The following NBAS variants were observed in gnomAD, a reference collection of about 807,000 sequenced individuals.
NBAS encodes the protein NAG/BC035112 fusion.
A neutral mutation model predicts 302.5 loss-of-function variants in NBAS; 219 were observed. The observed-to-expected ratio is 0.72, with a 90% confidence interval of 0.65 to 0.81. The LOEUF (loss-of-function observed/expected upper bound fraction) is 0.81. Among genes scored for constraint, NBAS ranks in the 30% least tolerant of loss-of-function variants. NBAS has a pLI of 0.00. For synonymous variants in NBAS, 1,118 were observed against 1,021.6 expected (o/e 1.09, Z -1.80); for missense variants, 2,932 against 2,841.6 (o/e 1.03, Z -0.72).
chr2:15,264,400 T>A (rs1025511676), intron 44 of NBAS, among the ~76,000 whole-genome samples: 5 of 152,050 alleles, frequency 3.3e-5, no homozygotes, highest in Non-Finnish European at 7.4e-5. Flanking sequence ...CCCACCAGAG[T>A]CCTCTCCAGG....
chr2:14,858,909 C>T, the NBAS span, among the ~76,000 whole-genome samples: 1 of 151,976 alleles, frequency 6.6e-6, no homozygotes, highest in East Asian at 1.9e-4. Context: ...GCATTGCATA[C>T]CTATATCGAA....
the NBAS span, among the ~76,000 whole-genome samples, chr2:14,980,203 A>G: frequency 6.6e-6 from 1 of 152,074 alleles, no homozygotes; most frequent in Non-Finnish European, 1.5e-5. Flanking sequence ...GAGAGACCCA[A>G]AGATGCCTGG....
chr2:15,308,505 T>A, intron 39 of NBAS, 152 bp from the exon 40 acceptor site: 1 of 994,600 alleles, frequency 1.0e-6, no homozygotes, highest in East Asian at 2.6e-5. Flanking sequence ...ATGACTATAT[T>A]AAAAATCACA....
At chr2:15,286,584 T>G (rs1218719288) in intron 42 of NBAS, among the ~76,000 whole-genome samples, 2 of 152,226 alleles carry the variant, frequency 1.3e-5, no homozygotes, top group African/African-American at 2.4e-5. Flanking sequence ...CTGTATTGTC[T>G]ACCTAGAAAA....
intron 30 of NBAS, among the ~76,000 whole-genome samples, chr2:15,378,409 G>A (rs988446596): frequency 3.3e-5 from 5 of 152,272 alleles, no homozygotes; most frequent in African/African-American, 9.6e-5. Context: ...GAACAGCAGC[G>A]TATCAGTCAG....
chr2:15,418,616 T>C (rs1483833651), intron 23 of NBAS, among the ~76,000 whole-genome samples: 2 of 152,128 alleles, frequency 1.3e-5, no homozygotes, highest in African/African-American at 4.8e-5. Flanking sequence ...CAGAAGACAG[T>C]ACTTAGCCAG....
chr2:14,879,171 G>A, the NBAS span, among the ~76,000 whole-genome samples: 1 of 152,058 alleles, frequency 6.6e-6, no homozygotes, highest in African/African-American at 2.4e-5. Context: ...ATATTCCATT[G>A]GCTGGATATA....
intron 38 of NBAS, among the ~76,000 whole-genome samples, chr2:15,312,720 A>G (rs1348832791): frequency 6.6e-6 from 1 of 152,186 alleles, no homozygotes; most frequent in East Asian, 1.9e-4. Flanking sequence ...TCTTTACCCA[A>G]TAACTTTCAT....
intron 50 of NBAS, among the ~76,000 whole-genome samples, chr2:15,181,939 G>A (rs1367561098): frequency 4.6e-5 from 7 of 152,370 alleles, no homozygotes. Context: ...GGCATTGCAT[G>A]GGGGCTGCAA....
rs1300078353 is a variant in NBAS, at chr2:15,277,017, C to T, written c.5223G>A (p.Gln1741=). The T allele has an allele frequency of 6.2e-7, 1 of 1,613,834 alleles. No homozygotes were observed. Among genetic ancestry groups the T allele is most frequent in the East Asian group, 2.2e-5 (1 of 44,874 alleles). Residue 1741 remains glutamine, a synonymous_variant, in exon 43 of 52, where the codon CAG becomes CAA. Transcript: ENST00000281513. The part of the protein sequence containing the change: ...TLKTDPEAFH[Q]HMVKYIYPTI... ...TAGGGTAAATATACTTGACCATGTG[C>T]TGGTGAAAGGCTTCTGGATCAGTCT... is the stretch of plus-strand genomic sequence containing the variant.
At chr2:14,941,946 T>C in the NBAS span, among the ~76,000 whole-genome samples, 5 of 152,214 alleles carry the variant, frequency 3.3e-5, no homozygotes, top group South Asian at 8.3e-4. Flanking sequence ...TTTTCTCCAA[T>C]GGGTAGGTTT....
At chr2:15,111,864 CTTAT>C in the NBAS span, among the ~76,000 whole-genome samples, 1 of 147,846 alleles carries the variant, frequency 6.8e-6, no homozygotes, top group Non-Finnish European at 1.5e-5. Flanking sequence ...CCAGGCCTCC[CTTAT>C]TATTATATTT....
Position 15,374,931 on chromosome 2 carries a change from G to C in NBAS, c.3591-211C>G, listed in dbSNP as rs144901653. ...TCTGCCTTTTCAGGGAGCTAAAACT[G>C]AAACTCACAGAAGTGAAGTAATTGC... On this transcript the variant is annotated intron_variant, in intron 30 of 51. Coordinates refer to ENST00000281513, the MANE Select transcript of NBAS (RefSeq NM_015909.4). Among the ~76,000 whole-genome samples, 36 of 152,220 alleles carry C rather than the reference G, an allele frequency of 2.4e-4. No individual in the cohort carries two copies. In the East Asian group the frequency reaches 6.4e-3, roughly 27 times the overall value.
the NBAS span, among the ~76,000 whole-genome samples, chr2:14,879,302 G>C: frequency 6.6e-6 from 1 of 152,032 alleles, no homozygotes; most frequent in Non-Finnish European, 1.5e-5. Flanking sequence ...CACCATTTTG[G>C]GGGACCTGCT....
chr2:15,064,043 C>A, the NBAS span, among the ~76,000 whole-genome samples: 14 of 152,020 alleles, frequency 9.2e-5, 1 homozygote, highest in South Asian at 4.1e-4. Flanking sequence ...CTTGCTAGGC[C>A]CATTTATTTG....
At chr2:15,540,340 C>T (rs1456676951) in intron 6 of NBAS, among the ~76,000 whole-genome samples, 1 of 151,980 alleles carries the variant, frequency 6.6e-6, no homozygotes, top group African/African-American at 2.4e-5. Flanking sequence ...CTCAAAAATG[C>T]TCCAGAAACG....
At chr2:15,229,107 C>T (rs1667265784) in intron 47 of NBAS, among the ~76,000 whole-genome samples, 1 of 151,646 alleles carries the variant, frequency 6.6e-6, no homozygotes, top group Non-Finnish European at 1.5e-5. Context: ...TTTGTGAGGC[C>T]AAGGAGGGTG....
chr2:14,979,904 CTG>C, the NBAS span, among the ~76,000 whole-genome samples: 1 of 152,134 alleles, frequency 6.6e-6, no homozygotes, highest in Non-Finnish European at 1.5e-5. Flanking sequence ...GCACCCTTGA[CTG>C]TATAAAACCC....
chr2:15,391,942 C>A (rs1174744076), intron 28 of NBAS, among the ~76,000 whole-genome samples: 3 of 148,818 alleles, frequency 2.0e-5, no homozygotes, highest in Non-Finnish European at 4.4e-5. Context: ...GTGAATATAT[C>A]CTTCAGAGAA....
Sources: gnomAD v4.1 joint callset for allele counts (sites outside exome capture counted in the v4.1 genomes callset) on GRCh38, gnomAD v4.1.1 for gene constraint, MANE v1.5 for transcripts, NCBI Gene and HGNC (gene_info 2026-07-23, HGNC 2026-07-21) for gene names.